The following ADAM10 variants were observed in gnomAD, a reference collection of about 807,000 sequenced individuals.
ADAM10 encodes disintegrin and metalloproteinase domain-containing protein 10.
Under a neutral mutation model 90.1 loss-of-function variants are expected in ADAM10, and 17 were observed. The ratio of observed to expected loss-of-function variants is 0.19; its 90% CI spans 0.13 to 0.28. The LOEUF is 0.28. ADAM10 is among the 10% of genes least tolerant of loss of function. ADAM10 has a pLI of 1.00. For synonymous variants in ADAM10, 310 were observed against 298.6 expected, an observed-to-expected ratio of 1.04 and a Z score of -0.40; for missense variants, 610 against 914.3, an observed-to-expected ratio of 0.67 and a Z score of 4.29.
At chr15:58,729,338 G>A (rs1396353088) in intron 1 of ADAM10, among the ~76,000 whole-genome samples, 1 of 152,070 alleles carries the variant, frequency 6.6e-6, no homozygotes, top group Admixed American at 6.5e-5. Flanking sequence ...ATCTTGTTCC[G>A]TATCTAGCAT....
intron 9 of ADAM10, among the ~76,000 whole-genome samples, chr15:58,632,466 T>G (rs1312913538): frequency 6.6e-6 from 1 of 152,206 alleles, no homozygotes; most frequent in Non-Finnish European, 1.5e-5. Context: ...TGTTTTTATA[T>G]GGCTTAACTA....
intron 15 of ADAM10, among the ~76,000 whole-genome samples, chr15:58,598,512 G>A (rs1237422017): frequency 2.0e-5 from 3 of 152,212 alleles, no homozygotes; most frequent in African/African-American, 7.2e-5. Flanking sequence ...GTGAACAACT[G>A]AGGGAAAACA....
chr15:58,636,708 C>A (rs1017600736), intron 8 of ADAM10, among the ~76,000 whole-genome samples: 2 of 152,070 alleles, frequency 1.3e-5, no homozygotes, highest in African/African-American at 4.8e-5. Flanking sequence ...AACTTCAAAA[C>A]AGACCCACTC....
chr15:58,644,759 G>A (rs1251663854), intron 6 of ADAM10, among the ~76,000 whole-genome samples: 1 of 152,044 alleles, frequency 6.6e-6, no homozygotes, highest in African/African-American at 2.4e-5. Flanking sequence ...AAACTTTGTT[G>A]ACCCCTTTCT....
intron 1 of ADAM10, among the ~76,000 whole-genome samples, chr15:58,733,936 C>A (rs1344062836): frequency 6.6e-6 from 1 of 150,436 alleles, no homozygotes; most frequent in African/African-American, 2.4e-5. Flanking sequence ...TAATATTACA[C>A]TAAGGCTGTT....
At chr15:58,655,718 T>C (rs1596034497) in intron 5 of ADAM10, among the ~76,000 whole-genome samples, 1 of 72,112 alleles carries the variant, frequency 1.4e-5, no homozygotes, top group South Asian at 4.1e-4. Flanking sequence ...ATAGTATATA[T>C]ATATATATAT....
At chr15:58,693,370 T>C (rs1897884948) in intron 2 of ADAM10, among the ~76,000 whole-genome samples, 1 of 152,200 alleles carries the variant, frequency 6.6e-6, no homozygotes, top group Non-Finnish European at 1.5e-5. Context: ...GCTTAGCACA[T>C]GTACCATAAA....
intron 2 of ADAM10, among the ~76,000 whole-genome samples, chr15:58,701,042 A>G: frequency 6.6e-6 from 1 of 150,572 alleles, no homozygotes; most frequent in African/African-American, 2.4e-5. Context: ...AAAACAGGGC[A>G]GAATTCAACA....
intron 2 of ADAM10, among the ~76,000 whole-genome samples, chr15:58,710,613 G>C (rs558494406): frequency 6.6e-6 from 1 of 152,116 alleles, no homozygotes; most frequent in African/African-American, 2.4e-5. Context: ...TTTAACTAAC[G>C]TATGTTGCAC....
At chr15:58,660,427 T>C (rs1896938483) in intron 5 of ADAM10, among the ~76,000 whole-genome samples, 1 of 152,128 alleles carries the variant, frequency 6.6e-6, no homozygotes, top group Admixed American at 6.5e-5. Context: ...GTCTTTTTTT[T>C]TTAATCACTC....
At chr15:58,610,562 A>G (rs200864014) in intron 13 of ADAM10, 45 bp from the exon 14 acceptor site, 14 of 1,568,938 alleles carry the variant, frequency 8.9e-6, no homozygotes, top group Non-Finnish European at 1.2e-5. Flanking sequence ...AGATTCAAAT[A>G]TAAGTTGAAG....
chr15:58,594,139 T>C lies in ADAM10; in HGVS notation c.*3408A>G, dbSNP rs1894891793. 1 of 152,234 alleles carries C rather than the reference T, an allele frequency of 6.6e-6. No homozygotes were observed. The highest frequency in any genetic ancestry group is 2.4e-5 in the African/African-American group (1 of 41,466). 9.4% of individuals were successfully genotyped at this position (152,234 alleles called of 1,614,324 possible). A position where few individuals can be genotyped will look rare whatever the true frequency, so the allele number is the denominator to read the frequency against. On this transcript the variant is annotated 3_prime_UTR_variant, in exon 16 of 16. Transcript: ENST00000260408. ...GACTTCTCTAAAGATGAACTGTCCCTGGCAGCTGCTTTAAAACTACATCTG... is the reference window on the plus strand; with the variant it reads ...GACTTCTCTAAAGATGAACTGTCCCCGGCAGCTGCTTTAAAACTACATCTG...
chr15:58,594,495 A>G lies in ADAM10; in HGVS notation c.*3052T>C, dbSNP rs887004057. 5.9e-5 allele frequency: 9 copies of G among 152,230 alleles called. No homozygotes were observed. The highest frequency in any genetic ancestry group is 1.3e-4 in the Non-Finnish European group (9 of 68,038). The allele number at this position is 152,230 out of a possible 1,614,324, so 9.4% of individuals were successfully genotyped here. On this transcript the variant is annotated 3_prime_UTR_variant, in exon 16 of 16. Coordinates refer to ENST00000260408, the MANE Select transcript of ADAM10 (RefSeq NM_001110.4). ...GACAAACACGAAGTACCCAAAGCATAAAGTGTTGAAGACACCTCACAAAAC... is the reference window on the plus strand; with the variant it reads ...GACAAACACGAAGTACCCAAAGCATGAAGTGTTGAAGACACCTCACAAAAC...
At chr15:58,606,911 A>G (rs996211678) in intron 14 of ADAM10, among the ~76,000 whole-genome samples, 1 of 152,232 alleles carries the variant, frequency 6.6e-6, no homozygotes, top group East Asian at 1.9e-4. Flanking sequence ...GGGGCCATAC[A>G]GTCACTGTTG....
chr15:58,696,462 C>CTTTTTTTTTTTT (rs1430575266), intron 2 of ADAM10, among the ~76,000 whole-genome samples: 1 of 139,296 alleles, frequency 7.2e-6, no homozygotes, highest in Non-Finnish European at 1.6e-5. Context: ...TTTTTTCTTT[C>CTTTTTTTTTTTT]TTTCTTTTTT....
At chr15:58,713,815 C>CT (rs1248840588) in intron 2 of ADAM10, among the ~76,000 whole-genome samples, 7,708 of 141,996 alleles carry the variant, frequency 0.054, 645 homozygotes, top group African/African-American at 0.18. Flanking sequence ...GAATTCTTTT[C>CT]TTTTTTTTTT....
At chr15:58,691,349 G>C in intron 2 of ADAM10, 2 of 1,024,204 alleles carry the variant, frequency 2.0e-6, no homozygotes, top group Non-Finnish European at 3.1e-6. Flanking sequence ...ACTCATCAAT[G>C]GGCTCACTCA....
In ADAM10 at chr15:58,643,907, A is replaced by G. The variant is rs2140691591; in HGVS notation, c.807T>C (p.Ser269=). 1 of 1,612,942 alleles carries G rather than the reference A, an allele frequency of 6.2e-7. No homozygotes were observed. Among genetic ancestry groups the G allele is most frequent in the Non-Finnish European group, 8.5e-7 (1 of 1,179,008 alleles). The change falls in exon 7 of 16, where the codon AGT becomes AGC. Residue 269 remains serine, a synonymous_variant. Coordinates refer to ENST00000260408, the MANE Select transcript of ADAM10 (RefSeq NM_001110.4). ...TTACTCTTATGCGTTTCACCATGAA[A>G]CTGATGTTACGGATTCCGGAGAAGT... ...TTDFSGIRNI[S]FMVKRIRINT...
Position 58,679,258 on chromosome 15 carries a change from C to A in ADAM10, c.350G>T (p.Gly117Val), listed in dbSNP as rs769976382. Residue 117 changes from glycine to valine, a missense_variant, in exon 4 of 16, where the codon GGG becomes GTG. Physicochemically the swap from Gly to Val is moderately radical, Grantham distance 109. Around this residue, in one of 4 missense-constraint regions of ADAM10, gnomAD observed 310 missense variants for 362.4 expected, o/e 0.86. Coordinates refer to ENST00000260408, the MANE Select transcript of ADAM10 (RefSeq NM_001110.4). ...TTCAAATCTTCCATCAATAACAGAC[C>A]CATGGCTAAAACTTCCTTCTTCACC... ...IYGEEGSFSH[G>V]SVIDGRFEGF... 1.2e-6 allele frequency: 2 copies of A among 1,613,890 alleles called. No individual in the cohort carries two copies. The highest frequency in any genetic ancestry group is 1.1e-5 in the South Asian group (1 of 91,064).
Sources: gnomAD v4.1 joint callset for allele counts (sites outside exome capture counted in the v4.1 genomes callset) on GRCh38, gnomAD v4.1.1 for gene constraint, gnomAD v4.1.1 regional missense constraint, MANE v1.5 for transcripts, NCBI Gene and HGNC (gene_info 2026-07-23, HGNC 2026-07-21) for gene names.